ARHGAP26: variants seen among roughly 807,000 people sequenced by gnomAD.
ARHGAP26 encodes the protein rho GTPase-activating protein 26.
ARHGAP26 carries 38 observed loss-of-function variants against 104.8 expected under a neutral mutation model. The observed-to-expected ratio is 0.36, with a 90% CI of 0.28 to 0.48. The LOEUF is 0.48. Among genes scored for constraint, ARHGAP26 ranks in the 20% least tolerant of loss-of-function variants. ARHGAP26 has a pLI of 0.99. For missense variants in ARHGAP26, 704 were observed against 947.9 expected, an observed-to-expected ratio of 0.74 and a Z score of 3.38; for synonymous variants, 341 against 340.0, an observed-to-expected ratio of 1.00 and a Z score of -0.03.
chr5:142,958,502 A>C (rs915833453), intron 11 of ARHGAP26, among the ~76,000 whole-genome samples: 2 of 151,764 alleles, frequency 1.3e-5, no homozygotes, highest in Non-Finnish European at 2.9e-5. Context: ...CCCCGTCTTT[A>C]CAAAATATAA....
intron 1 of ARHGAP26, among the ~76,000 whole-genome samples, chr5:142,794,638 A>G (rs1760592730): frequency 6.6e-6 from 1 of 152,200 alleles, no homozygotes; most frequent in Non-Finnish European, 1.5e-5. Flanking sequence ...CAGCCTAAGA[A>G]TAGTGTTTGG....
At chr5:143,077,525 A>G (rs1463507229) in intron 17 of ARHGAP26, among the ~76,000 whole-genome samples, 1 of 152,072 alleles carries the variant, frequency 6.6e-6, no homozygotes, top group Non-Finnish European at 1.5e-5. Flanking sequence ...AGCCTCCCTA[A>G]AAAGGGCTCT....
At chr5:142,775,158 A>G (rs1274513604) in intron 1 of ARHGAP26, among the ~76,000 whole-genome samples, 3 of 152,180 alleles carry the variant, frequency 2.0e-5, no homozygotes, top group South Asian at 2.1e-4. Flanking sequence ...TAGTACGTGT[A>G]GTTTTTTTTA....
At chr5:143,028,311 T>G (rs1781371798) in intron 12 of ARHGAP26, among the ~76,000 whole-genome samples, 1 of 152,200 alleles carries the variant, frequency 6.6e-6, no homozygotes, top group South Asian at 2.1e-4. Flanking sequence ...TTCCTCATCA[T>G]AAAAACTTAG....
chr5:142,919,392 C>A, intron 10 of ARHGAP26: 1 of 398,594 alleles, frequency 2.5e-6, no homozygotes, highest in Non-Finnish European at 4.4e-6. Context: ...AACCCTTGAT[C>A]TTGAACTTTT....
At chr5:143,013,629 C>T (rs76566185) in intron 11 of ARHGAP26, among the ~76,000 whole-genome samples, 1,669 of 152,300 alleles carry the variant, frequency 0.011, 16 homozygotes, top group African/African-American at 0.027. Context: ...TAGTTAACCC[C>T]TCTAGGCTTC....
At chr5:143,220,068 C>G (rs895984885) in intron 22 of ARHGAP26, among the ~76,000 whole-genome samples, 1 of 152,190 alleles carries the variant, frequency 6.6e-6, no homozygotes. Context: ...TGTGGGTGAA[C>G]AGCTAGCCAG....
rs1799280646 is a variant in ARHGAP26, at chr5:143,147,258, C to G, written c.1865C>G (p.Ser622Cys). 1.2e-6 allele frequency: 2 copies of G among 1,614,042 alleles called. No individual in the cohort carries two copies. The highest frequency in any genetic ancestry group is 4.5e-5 in the East Asian group (2 of 44,876). ...KQEQRNSIIN[S>C]SLESVSSNPN... is the part of the protein sequence containing the mutation. ...GAACAAAGGAACAGCATCATCAACT[C>G]CAGTTTGGAATCTGTCTCATCAAAT... Residue 622 changes from serine (S) to cysteine (C), a missense_variant, in exon 20 of 23, where the codon TCC (serine) becomes TGC (cysteine). Coordinates refer to ENST00000645722, the MANE Select transcript of ARHGAP26 (RefSeq NM_001135608.3).
At chr5:142,927,681 G>A (rs1455077542) in intron 10 of ARHGAP26, among the ~76,000 whole-genome samples, 4 of 152,164 alleles carry the variant, frequency 2.6e-5, no homozygotes, top group Admixed American at 6.5e-5. Context: ...TTTCTCTTGA[G>A]TATATATGTA....
At chr5:142,952,327 G>A (rs1768525412) in intron 11 of ARHGAP26, among the ~76,000 whole-genome samples, 1 of 152,178 alleles carries the variant, frequency 6.6e-6, no homozygotes, top group Non-Finnish European at 1.5e-5. Context: ...ATTCGGCAGT[G>A]CAGTGAAAGA....
chr5:142,800,514 C>A (rs1322888735), intron 1 of ARHGAP26, among the ~76,000 whole-genome samples: 4 of 152,094 alleles, frequency 2.6e-5, no homozygotes, highest in African/African-American at 7.2e-5. Flanking sequence ...AGGCACCTGC[C>A]ACCACGCTCA....
intron 12 of ARHGAP26, among the ~76,000 whole-genome samples, chr5:143,029,784 TG>T (rs1474057400): frequency 1.3e-5 from 2 of 152,332 alleles, no homozygotes; most frequent in East Asian, 1.9e-4. Context: ...AGGTTTGGTT[TG>T]TTTTTTTCTT....
chr5:143,182,755 A>G (rs562908445), intron 20 of ARHGAP26, among the ~76,000 whole-genome samples: 30 of 152,340 alleles, frequency 2.0e-4, no homozygotes, highest in Admixed American at 1.4e-3. Context: ...TGGCCTGGCC[A>G]TGCCAGTTCT....
At chr5:142,829,748 G>A (rs1348776991) in intron 1 of ARHGAP26, among the ~76,000 whole-genome samples, 1 of 152,194 alleles carries the variant, frequency 6.6e-6, no homozygotes, top group African/African-American at 2.4e-5. Flanking sequence ...GGTGAACAAG[G>A]AGTGTGTGCC....
intron 11 of ARHGAP26, among the ~76,000 whole-genome samples, chr5:142,980,401 ATTTTT>A (rs1773762519): frequency 6.8e-6 from 1 of 146,012 alleles, no homozygotes; most frequent in African/African-American, 2.5e-5. Context: ...ATTTTATTTT[ATTTTT>A]GAGATGGAAT....
chr5:142,880,686 C>T (rs186337711), intron 4 of ARHGAP26, among the ~76,000 whole-genome samples: 207 of 152,128 alleles, frequency 1.4e-3, no homozygotes, highest in Non-Finnish European at 2.3e-3. Flanking sequence ...CGGTCTCTTA[C>T]GCCACCTGCA....
At chr5:143,182,426 C>T (rs1011049333) in intron 20 of ARHGAP26, among the ~76,000 whole-genome samples, 5 of 152,194 alleles carry the variant, frequency 3.3e-5, no homozygotes, top group African/African-American at 1.2e-4. Context: ...TGACACTAAG[C>T]TCCATGAGAG....
intron 17 of ARHGAP26, among the ~76,000 whole-genome samples, chr5:143,084,146 A>T (rs1258005702): frequency 6.6e-6 from 1 of 152,236 alleles, no homozygotes; most frequent in Admixed American, 6.5e-5. Flanking sequence ...TGCCTTAATG[A>T]CCCGACTGTA....
chr5:142,941,593 A>G (rs1766360408), intron 11 of ARHGAP26, among the ~76,000 whole-genome samples: 1 of 152,208 alleles, frequency 6.6e-6, no homozygotes, highest in Non-Finnish European at 1.5e-5. Flanking sequence ...GCTTTTATTT[A>G]GGTGGACTTC....
Sources: allele counts gnomAD v4.1 joint callset (sites outside exome capture counted in the v4.1 genomes callset), GRCh38; gene constraint gnomAD v4.1.1; transcripts MANE v1.5; gene names NCBI Gene and HGNC (gene_info 2026-07-23, HGNC 2026-07-21).